Variants in TSPAN18 observed in about 807,000 individuals in gnomAD.
TSPAN18 encodes tetraspanin-18.
In TSPAN18, 14 loss-of-function variants were observed where a neutral mutation model predicts 27.3. The observed-to-expected ratio is 0.51, with a 90% confidence interval of 0.34 to 0.80. The LOEUF is 0.80. TSPAN18 is among the 30% of genes least tolerant of loss of function. The pLI is 0.01. For missense variants in TSPAN18, 268 were observed against 323.9 expected (o/e 0.83, Z 1.32); for synonymous variants, 143 against 136.5 (o/e 1.05, Z -0.33).
rs1670310 is a variant in TSPAN18 at position 44,784,036 on chromosome 11, T to G, written c.-153+19524T>G. On this transcript the variant is annotated intron_variant, in intron 2 of 9. Coordinates refer to ENST00000520358, the MANE Select transcript of TSPAN18 (RefSeq NM_130783.5). ...GCTTTGTTGGCTGAGGGAGAGATTG[T>G]AGTACAATTTAGAATCCCATCCCTT... is the stretch of plus-strand genomic sequence containing the variant. Among the ~76,000 whole-genome samples the G allele has an allele frequency of 8.8e-3, 1,346 of 152,284 alleles. 16 individuals carry two copies. The highest frequency in any genetic ancestry group is 0.029 in the African/African-American group (1,224 of 41,548).
At chr11:44,747,992 T>A (rs1261024182) in intron 1 of TSPAN18, among the ~76,000 whole-genome samples, 1 of 152,246 alleles carries the variant, frequency 6.6e-6, no homozygotes, top group Non-Finnish European at 1.5e-5. Flanking sequence ...ACTTCGGTTC[T>A]CTCTCTGTCT....
chr11:44,912,807 T>C (rs757568608), intron 5 of TSPAN18, among the ~76,000 whole-genome samples: 7 of 149,778 alleles, frequency 4.7e-5, no homozygotes, highest in Non-Finnish European at 8.9e-5. Context: ...GCATGGGTGT[T>C]ATACGTGCAT....
At chr11:44,862,724 A>G (rs1857930921) in intron 3 of TSPAN18, among the ~76,000 whole-genome samples, 3 of 152,228 alleles carry the variant, frequency 2.0e-5, no homozygotes, top group Admixed American at 2.0e-4. Flanking sequence ...TGTCTCAGAC[A>G]GTGCTAAACC....
At chr11:44,911,742 A>C (rs1859722936) in intron 5 of TSPAN18, among the ~76,000 whole-genome samples, 1 of 151,882 alleles carries the variant, frequency 6.6e-6, no homozygotes, top group Non-Finnish European at 1.5e-5. Flanking sequence ...GAGCGGCTCT[A>C]GTCTCCTCCA....
chr11:44,847,692 T>C (rs1432876214), intron 2 of TSPAN18, among the ~76,000 whole-genome samples: 1 of 152,200 alleles, frequency 6.6e-6, no homozygotes, highest in Non-Finnish European at 1.5e-5. Flanking sequence ...GTTGAACTTT[T>C]TGAGAACAGA....
intron 3 of TSPAN18, 110 bp from the exon 4 acceptor site, chr11:44,906,297 C>T (rs1052014123): frequency 5.2e-6 from 5 of 953,332 alleles, no homozygotes; most frequent in Non-Finnish European, 8.5e-6. Flanking sequence ...CCATCTTCTT[C>T]CAGCCTTTGC....
At chr11:44,729,388 G>A (rs1191547000) in intron 1 of TSPAN18, among the ~76,000 whole-genome samples, 4 of 152,158 alleles carry the variant, frequency 2.6e-5, no homozygotes, top group African/African-American at 9.7e-5. Context: ...CGTTTCCCGT[G>A]TTCTGTCCCT....
At chr11:44,919,544 A>G in intron 7 of TSPAN18, 1 of 609,368 alleles carries the variant, frequency 1.6e-6, no homozygotes, top group East Asian at 2.8e-5. Context: ...AATGGTCATT[A>G]TGATGATGAT....
chr11:44,741,066 CT>C (rs1207789813), intron 1 of TSPAN18, among the ~76,000 whole-genome samples: 2 of 152,318 alleles, frequency 1.3e-5, no homozygotes, highest in Non-Finnish European at 2.9e-5. Context: ...TGGGTCTCCC[CT>C]GAGAGTCTTG....
chr11:44,754,246 C>T (rs1180711378), intron 1 of TSPAN18, among the ~76,000 whole-genome samples: 2 of 152,198 alleles, frequency 1.3e-5, no homozygotes, highest in Non-Finnish European at 2.9e-5. Context: ...TCCGCTGCAG[C>T]CCTGTGGGTT....
chr11:44,776,574 T>G (rs1461861615), intron 2 of TSPAN18, among the ~76,000 whole-genome samples: 2 of 152,218 alleles, frequency 1.3e-5, no homozygotes, highest in Non-Finnish European at 2.9e-5. Context: ...TGGGACCCTG[T>G]GTCCAGCTTC....
At chr11:44,729,692 C>T (rs557415873) in intron 1 of TSPAN18, among the ~76,000 whole-genome samples, 2 of 152,146 alleles carry the variant, frequency 1.3e-5, no homozygotes, top group South Asian at 2.1e-4. Context: ...TTCTAGAAGC[C>T]GAAGTTAGTT....
chr11:44,754,129 T>C (rs997542588), intron 1 of TSPAN18, among the ~76,000 whole-genome samples: 8 of 152,344 alleles, frequency 5.3e-5, no homozygotes, highest in Non-Finnish European at 8.8e-5. Flanking sequence ...AAAATGCTAA[T>C]GACTCTGTGG....
At chr11:44,890,775 T>C (rs1858821715) in intron 3 of TSPAN18, among the ~76,000 whole-genome samples, 1 of 151,592 alleles carries the variant, frequency 6.6e-6, no homozygotes, top group Non-Finnish European at 1.5e-5. Flanking sequence ...TTGCTGGGAA[T>C]TTCTTAAAAT....
intron 2 of TSPAN18, among the ~76,000 whole-genome samples, chr11:44,781,512 T>C (rs1360194115): frequency 1.3e-5 from 2 of 152,174 alleles, no homozygotes; most frequent in South Asian, 4.2e-4. Context: ...TAGCAGCACA[T>C]AGTAGGACAC....
chr11:44,872,845 T>C (rs835759), intron 3 of TSPAN18, among the ~76,000 whole-genome samples: 101,959 of 151,986 alleles, frequency 0.67, 36,965 homozygotes, highest in Non-Finnish European at 0.83. Flanking sequence ...AAGTAATATT[T>C]ATTAAGTGCC....
intron 8 of TSPAN18, among the ~76,000 whole-genome samples, chr11:44,925,415 T>C (rs1218960358): frequency 6.6e-6 from 1 of 152,168 alleles, no homozygotes; most frequent in African/African-American, 2.4e-5. Context: ...GTTTGCTCCA[T>C]GGGGCTCCAG....
chr11:44,793,249 G>A (rs1474047753), intron 2 of TSPAN18, among the ~76,000 whole-genome samples: 1 of 152,160 alleles, frequency 6.6e-6, no homozygotes, highest in Non-Finnish European at 1.5e-5. Flanking sequence ...CCTACCCCAC[G>A]CCTGCTGGTC....
At chr11:44,816,290 C>T (rs948550030) in intron 2 of TSPAN18, among the ~76,000 whole-genome samples, 5 of 152,236 alleles carry the variant, frequency 3.3e-5, no homozygotes, top group African/African-American at 1.2e-4. Context: ...GAGGCAGTTG[C>T]ATGTGTGCCA....
Sources: allele counts gnomAD v4.1 joint callset (sites outside exome capture counted in the v4.1 genomes callset), GRCh38; gene constraint gnomAD v4.1.1; transcripts MANE v1.5; gene names NCBI Gene and HGNC (gene_info 2026-07-23, HGNC 2026-07-21).